The following ATG14 variants were observed in gnomAD, a reference collection of about 807,000 sequenced individuals.
The protein encoded by ATG14 is beclin 1-associated autophagy-related key regulator.
ATG14 carries 35 observed loss-of-function variants against 60.4 expected under a neutral mutation model. The observed-to-expected ratio is 0.58, with a 90% confidence interval of 0.44 to 0.77. The LOEUF is 0.77. Among genes scored for constraint, ATG14 ranks in the 30% least tolerant of loss-of-function variants. The pLI is 0.00. For synonymous variants in ATG14, 234 were observed against 228.8 expected, an observed-to-expected ratio of 1.02 and a Z score of -0.21; for missense variants, 647 against 626.3, an observed-to-expected ratio of 1.03 and a Z score of -0.35.
At position 55,411,533 on chromosome 14, in the gene ATG14, C is replaced by T. The variant is rs573525819; in HGVS notation, c.221+69G>A. On this transcript the variant is annotated intron_variant, in intron 1 of 9. Coordinates refer to ENST00000247178, the MANE Select transcript of ATG14 (RefSeq NM_014924.5). ...GTGCCCGGACGGGGAGCCCCAGGTT[C>T]CAGCCTTCGGCTGCCTGGCTGGAGG... is the stretch of plus-strand genomic sequence containing the variant. 350 of 1,478,254 alleles carry T rather than the reference C, an allele frequency of 2.4e-4. 1 individual carries two copies. The African/African-American group carries it at 4.4e-3, about 19-fold the overall frequency. 91.6% of individuals were successfully genotyped at this position (1,478,254 alleles called of 1,614,324 possible).
chr14:55,380,949 TA>T (rs1491178157), intron 6 of ATG14, among the ~76,000 whole-genome samples: 1 of 148,994 alleles, frequency 6.7e-6, no homozygotes, highest in Non-Finnish European at 1.5e-5. Context: ...TAAATGAAAT[TA>T]AAGTCTGACC....
chr14:55,367,317 C>A lies in ATG14; in HGVS notation c.*2302G>T. 2 of 152,282 alleles carry A rather than the reference C, an allele frequency of 1.3e-5. No homozygotes were observed. Among genetic ancestry groups the A allele is most frequent in the South Asian group, 4.1e-4 (2 of 4,822 alleles). The allele number at this position is 152,282 out of a possible 1,614,324, so 9.4% of individuals were successfully genotyped here. ...AGTAGCTAGACAACTCTTACAAGATCGTTAAGTTTATTTATCTGTTCAAGT... is the reference window on the plus strand; with the variant it reads ...AGTAGCTAGACAACTCTTACAAGATAGTTAAGTTTATTTATCTGTTCAAGT... On this transcript the variant is annotated 3_prime_UTR_variant, in exon 10 of 10. Transcript: ENST00000247178.
chr14:55,396,555 G>A (rs373191856), intron 2 of ATG14, among the ~76,000 whole-genome samples: 2 of 152,320 alleles, frequency 1.3e-5, no homozygotes, highest in African/African-American at 4.8e-5. Flanking sequence ...TCAGTGGCCT[G>A]AGCATTAACT....
chr14:55,401,670 G>A (rs1157636687), intron 1 of ATG14, among the ~76,000 whole-genome samples: 1 of 151,926 alleles, frequency 6.6e-6, no homozygotes, highest in Non-Finnish European at 1.5e-5. Context: ...GTTAAAAAAA[G>A]GTACTCCCTT....
intron 1 of ATG14, 89 bp from the exon 2 acceptor site, chr14:55,397,523 CAG>C (rs1223338748): frequency 2.3e-5 from 24 of 1,026,498 alleles, no homozygotes; most frequent in Admixed American, 3.9e-5. Flanking sequence ...AATCATTCTG[CAG>C]AGTCATGTGA....
intron 1 of ATG14, among the ~76,000 whole-genome samples, chr14:55,410,877 C>T (rs1187980973): frequency 1.3e-5 from 2 of 152,060 alleles, no homozygotes; most frequent in African/African-American, 4.8e-5. Context: ...GATCCTGCAG[C>T]TAATCACACT....
intron 1 of ATG14, among the ~76,000 whole-genome samples, chr14:55,410,627 T>C (rs1156592455): frequency 6.6e-6 from 1 of 152,258 alleles, no homozygotes; most frequent in Non-Finnish European, 1.5e-5. Flanking sequence ...TAAAGTCTAG[T>C]GGTTAAGTGC....
intron 4 of ATG14, among the ~76,000 whole-genome samples, chr14:55,390,322 C>A (rs575151470): frequency 6.6e-6 from 1 of 152,112 alleles, no homozygotes; most frequent in East Asian, 1.9e-4. Flanking sequence ...CCACTCCCCT[C>A]GGCCTCCCAA....
intron 5 of ATG14, among the ~76,000 whole-genome samples, chr14:55,384,354 A>T (rs1045696792): frequency 6.6e-6 from 1 of 152,226 alleles, no homozygotes; most frequent in Non-Finnish European, 1.5e-5. Context: ...CAAAGTATCA[A>T]TTCAGGAAAA....
intron 4 of ATG14, among the ~76,000 whole-genome samples, chr14:55,390,658 A>G (rs762385201): frequency 7.2e-5 from 11 of 152,240 alleles, no homozygotes; most frequent in Non-Finnish European, 1.2e-4. Context: ...GGCGTGAGCT[A>G]CCACGCCTGG....
rs913138195 is a variant in ATG14, at chr14:55,397,627, C to A, written c.222-193G>T. On this transcript the variant is annotated intron_variant, in intron 1 of 9. Transcript: ENST00000247178. ...GGTTCTTTTAAAACTAAGCTCAAAT[C>A]CTCAACTTTAAAATTATTTCCTGTG... is the stretch of plus-strand genomic sequence containing the variant. Among the ~76,000 whole-genome samples, 5 of 152,272 alleles carry A rather than the reference C, an allele frequency of 3.3e-5. No homozygotes were observed. The East Asian group carries it at 9.6e-4, about 29-fold the overall frequency.
At chr14:55,371,613 G>A (rs972771845) in intron 9 of ATG14, among the ~76,000 whole-genome samples, 1 of 152,044 alleles carries the variant, frequency 6.6e-6, no homozygotes, top group African/African-American at 2.4e-5. Context: ...GAGACCATTG[G>A]CTAACACAGT....
intron 1 of ATG14, among the ~76,000 whole-genome samples, chr14:55,409,553 C>G (rs2140156366): frequency 7.1e-6 from 1 of 141,704 alleles, no homozygotes; most frequent in South Asian, 2.3e-4. Context: ...AACGTATGAG[C>G]AGGCACCTAA....
At chr14:55,390,476 C>G (rs1186912445) in intron 4 of ATG14, among the ~76,000 whole-genome samples, 1 of 152,108 alleles carries the variant, frequency 6.6e-6, no homozygotes, top group African/African-American at 2.4e-5. Flanking sequence ...TGGGTTCACA[C>G]CATTCTCCTG....
intron 1 of ATG14, among the ~76,000 whole-genome samples, chr14:55,399,971 A>G (rs576019945): frequency 6.6e-6 from 1 of 152,368 alleles, no homozygotes; most frequent in South Asian, 2.1e-4. Context: ...ATAACAAACA[A>G]AAGATAAGTC....
intron 6 of ATG14, among the ~76,000 whole-genome samples, 185 bp from the exon 7 acceptor site, chr14:55,380,875 A>ATATATATATATATATTTTTT (rs377330757): frequency 2.7e-5 from 3 of 112,728 alleles, no homozygotes; most frequent in African/African-American, 3.8e-5. Context: ...ATATATATAT[A>ATATATATATATATATTTTTT]TTTTTTTTTT....
At chr14:55,379,577 T>A (rs988150979) in intron 7 of ATG14, among the ~76,000 whole-genome samples, 14 of 152,082 alleles carry the variant, frequency 9.2e-5, no homozygotes, top group South Asian at 2.1e-4. Flanking sequence ...TTTAATTTTT[T>A]AAAAAAATTA....
At chr14:55,409,732 T>C (rs1885542333) in intron 1 of ATG14, among the ~76,000 whole-genome samples, 1 of 152,054 alleles carries the variant, frequency 6.6e-6, no homozygotes, top group South Asian at 2.1e-4. Flanking sequence ...TAATAGGAGA[T>C]TAAATCAGAG....
At position 55,367,986 on chromosome 14, in the gene ATG14, G is replaced by A. The variant is rs1251600772; in HGVS notation, c.*1633C>T. ...AGAAGCTGGGGCATGGCAAACCTCT[G>A]AATGATTTATCAGAGGTGCTATCAT... is the stretch of plus-strand genomic sequence containing the variant. On this transcript the variant is annotated 3_prime_UTR_variant, in exon 10 of 10. Transcript: ENST00000247178. The A allele has an allele frequency of 2.0e-5, 3 of 152,578 alleles. No homozygotes were observed. Among genetic ancestry groups the A allele is most frequent in the Non-Finnish European group, 4.4e-5 (3 of 68,038 alleles). The allele number at this position is 152,578 out of a possible 1,614,324, so 9.5% of individuals were successfully genotyped here. A position where few individuals can be genotyped will look rare whatever the true frequency, so the allele number is the denominator to read the frequency against.
Sources: gnomAD v4.1 joint callset for allele counts (sites outside exome capture counted in the v4.1 genomes callset) on GRCh38, gnomAD v4.1.1 for gene constraint, MANE v1.5 for transcripts, NCBI Gene and HGNC (gene_info 2026-07-23, HGNC 2026-07-21) for gene names.